Variants in CDKL3 observed in about 807,000 individuals in gnomAD.
CDKL3 encodes the protein cyclin-dependent kinase-like 3.
CDKL3 carries 65 observed loss-of-function variants against 69.3 expected under a neutral mutation model. The ratio of observed to expected loss-of-function variants is 0.94; its 90% CI spans 0.77 to 1.15. CDKL3 has a LOEUF of 1.15. Among genes scored for constraint, CDKL3 ranks in the 50% most tolerant of loss-of-function variants. The pLI is 0.00. For synonymous variants in CDKL3, 202 were observed against 221.6 expected, an observed-to-expected ratio of 0.91 and a Z score of 0.79; for missense variants, 652 against 689.2, an observed-to-expected ratio of 0.95 and a Z score of 0.61.
chr5:134,363,957 T>TAA (rs1206131261), intron 2 of CDKL3, among the ~76,000 whole-genome samples: 75 of 96,356 alleles, frequency 7.8e-4, no homozygotes, highest in Middle Eastern at 6.0e-3. Context: ...CTCCATTTCT[T>TAA]AAAAAAAAAA....
chr5:134,325,969 G>A (rs1774091703), intron 4 of CDKL3, among the ~76,000 whole-genome samples: 1 of 149,160 alleles, frequency 6.7e-6, no homozygotes, highest in African/African-American at 2.5e-5. Context: ...GCAGAGACGG[G>A]GTTTCACCGT....
At chr5:134,306,476 A>C (rs897185754) in intron 10 of CDKL3, 133 bp downstream of exon 10, 1 of 610,196 alleles carries the variant, frequency 1.6e-6, no homozygotes, top group Admixed American at 3.0e-5. Flanking sequence ...CAGTCTGGGC[A>C]ACAGAGAGAG....
upstream of CDKL3, chr5:134,371,316 A>T (rs1758378203): frequency 1.8e-6 from 1 of 562,310 alleles, no homozygotes; most frequent in Non-Finnish European, 3.2e-6. Flanking sequence ...TACTTCAGGA[A>T]GCCCAGGGGG....
At chr5:134,315,958 T>C (rs1770949978) in intron 6 of CDKL3, among the ~76,000 whole-genome samples, 1 of 152,174 alleles carries the variant, frequency 6.6e-6, no homozygotes, top group Non-Finnish European at 1.5e-5. Context: ...ACTTCTAATA[T>C]ATATATTTTT....
downstream of CDKL3, among the ~76,000 whole-genome samples, chr5:134,283,535 G>C (rs1413695492): frequency 6.8e-6 from 1 of 147,396 alleles, no homozygotes; most frequent in Non-Finnish European, 1.5e-5. Context: ...CACAAGAACA[G>C]CATGGAAAAA....
chr5:134,348,392 A>C (rs1752457819), intron 4 of CDKL3, among the ~76,000 whole-genome samples: 1 of 152,106 alleles, frequency 6.6e-6, no homozygotes, highest in African/African-American at 2.4e-5. Context: ...GTTATGTGAG[A>C]TATTCTGTGT....
chr5:134,306,465 C>G lies in CDKL3; in HGVS notation c.1458+144G>C, dbSNP rs190049871. On this transcript the variant is annotated intron_variant, in intron 10 of 12. Coordinates refer to ENST00000265334, the MANE Select transcript of CDKL3 (RefSeq NM_001113575.2). ...TGAGCTGAGATCGTACCACTGCACT[C>G]CAGTCTGGGCAACAGAGAGAGATCC... 1.5e-5 allele frequency: 9 copies of G among 582,272 alleles called. No homozygotes were observed. In the Admixed American group the frequency reaches 2.6e-4, roughly 17 times the overall value. The allele number at this position is 582,272 out of a possible 1,614,324, so 36.1% of individuals were successfully genotyped here.
intron 8 of CDKL3, among the ~76,000 whole-genome samples, chr5:134,291,895 A>C (rs1250569369): frequency 1.3e-5 from 2 of 152,208 alleles, no homozygotes; most frequent in African/African-American, 2.4e-5. Context: ...AACTGTTTTC[A>C]GGCATGTGAT....
At chr5:134,346,249 G>A (rs1221222077) in intron 4 of CDKL3, among the ~76,000 whole-genome samples, 2 of 152,146 alleles carry the variant, frequency 1.3e-5, no homozygotes, top group Admixed American at 6.6e-5. Flanking sequence ...GAACAAACAG[G>A]CCTTGCTGGG....
At chr5:134,342,352 A>G (rs1750701438) in intron 4 of CDKL3, among the ~76,000 whole-genome samples, 2 of 152,020 alleles carry the variant, frequency 1.3e-5, no homozygotes, top group Non-Finnish European at 2.9e-5. Flanking sequence ...TAATCCCAGC[A>G]CTTTGGGAGG....
Position 134,308,714 on chromosome 5 carries a change from G to A in CDKL3, c.895C>T (p.Leu299=). ...GCTTCCTGCAGTAATTTAGCTTTCAGTTCTGGCATGAATCTGACAAAACAA... is the reference window on the plus strand; with the variant it reads ...GCTTCCTGCAGTAATTTAGCTTTCAATTCTGGCATGAATCTGACAAAACAA... ...DGFIEKFMPE[L]KAKLLQEAKV... is the part of the protein sequence containing the mutation. The change falls in exon 8 of 13, where the codon CTG becomes TTG. Residue 299 remains leucine, a synonymous_variant. Transcript: ENST00000265334. The A allele has an allele frequency of 1.9e-6, 3 of 1,591,234 alleles. No individual in the cohort carries two copies. The highest frequency in any genetic ancestry group is 2.6e-6 in the Non-Finnish European group (3 of 1,174,202).
downstream of CDKL3, among the ~76,000 whole-genome samples, chr5:134,284,455 G>A (rs561618549): frequency 1.4e-4 from 22 of 152,156 alleles, no homozygotes; most frequent in Non-Finnish European, 3.1e-4. Context: ...AGATTACAAG[G>A]CCAGGTGAAA....
intron 8 of CDKL3, among the ~76,000 whole-genome samples, chr5:134,286,871 C>T (rs1764893274): frequency 6.6e-6 from 1 of 152,162 alleles, no homozygotes; most frequent in Admixed American, 6.6e-5. Flanking sequence ...CAGCCAAACC[C>T]TATCAGTAAG....
chr5:134,300,201 T>C (rs1462936753), intron 12 of CDKL3, among the ~76,000 whole-genome samples: 2 of 152,072 alleles, frequency 1.3e-5, no homozygotes, highest in African/African-American at 4.8e-5. Context: ...TAGCCAGGCA[T>C]GGTGGCAGGC....
At chr5:134,312,719 A>AT (rs771730175) in intron 6 of CDKL3, among the ~76,000 whole-genome samples, 8 of 152,200 alleles carry the variant, frequency 5.3e-5, no homozygotes, top group Non-Finnish European at 1.0e-4. Flanking sequence ...AATCATTTGC[A>AT]TTTTACAGAT....
chr5:134,317,991 G>A (rs1190989300), intron 6 of CDKL3, among the ~76,000 whole-genome samples: 7 of 151,958 alleles, frequency 4.6e-5, no homozygotes. Flanking sequence ...AGGCCAAGGT[G>A]GGAGGATCAC....
chr5:134,347,913 T>C, intron 4 of CDKL3, among the ~76,000 whole-genome samples: 1 of 152,026 alleles, frequency 6.6e-6, no homozygotes, highest in East Asian at 1.9e-4. Context: ...GGGTTTCGTT[T>C]TGGGGTGATA....
downstream of CDKL3, among the ~76,000 whole-genome samples, chr5:134,296,542 G>A (rs1765359321): frequency 6.6e-6 from 1 of 152,252 alleles, no homozygotes; most frequent in East Asian, 1.9e-4. Flanking sequence ...ATTAAGATGA[G>A]GTAGAATTTG....
At chr5:134,367,198 G>A (rs1303834736), upstream of CDKL3, 2 of 985,560 alleles carry the variant, frequency 2.0e-6, no homozygotes, top group Non-Finnish European at 2.4e-6. Context: ...CCGGAACATG[G>A]GCAGGGTCCC....
Sources: allele counts gnomAD v4.1 joint callset (sites outside exome capture counted in the v4.1 genomes callset), GRCh38; gene constraint gnomAD v4.1.1; transcripts MANE v1.5; gene names NCBI Gene and HGNC (gene_info 2026-07-23, HGNC 2026-07-21).